RYR2: variants seen among roughly 807,000 people sequenced by gnomAD.
RYR2 encodes the protein ryanodine receptor 2, also known as cardiac muscle ryanodine receptor-calcium release channel.
A neutral mutation model predicts 601.1 loss-of-function variants in RYR2; 227 were observed. The observed-to-expected ratio is 0.38, with a 90% CI of 0.34 to 0.42. RYR2 has a LOEUF of 0.42. Among genes scored for constraint, RYR2 ranks in the 10% least tolerant of loss-of-function variants. The pLI is 1.00. For missense variants in RYR2, 4,646 were observed against 6,156.5 expected (o/e 0.75, Z 8.21); for synonymous variants, 2,223 against 2,175.1 (o/e 1.02, Z -0.61).
intron 1 of RYR2, among the ~76,000 whole-genome samples, chr1:237,116,969 G>A (rs1356268126): frequency 6.6e-6 from 1 of 152,046 alleles, no homozygotes; most frequent in Non-Finnish European, 1.5e-5. Flanking sequence ...GTTTAATCTG[G>A]GCATCCTGTG....
intron 19 of RYR2, among the ~76,000 whole-genome samples, chr1:237,495,641 G>A (rs1663993054): frequency 6.6e-6 from 1 of 152,064 alleles, no homozygotes; most frequent in Non-Finnish European, 1.5e-5. Flanking sequence ...TAGGGTATAT[G>A]TCCACTCCTA....
intron 84 of RYR2, among the ~76,000 whole-genome samples, chr1:237,767,149 A>G: frequency 6.6e-6 from 1 of 152,228 alleles, no homozygotes; most frequent in East Asian, 1.9e-4. Flanking sequence ...GGCTCAGAAC[A>G]GTGAACTGAC....
chr1:237,672,730 A>G (rs1326630539), intron 58 of RYR2, among the ~76,000 whole-genome samples: 3 of 152,188 alleles, frequency 2.0e-5, no homozygotes, highest in Admixed American at 6.5e-5. Context: ...TTTGGTTTCT[A>G]CTAAACTTAG....
chr1:237,299,835 T>A (rs1028752622), intron 2 of RYR2, among the ~76,000 whole-genome samples: 15 of 152,216 alleles, frequency 9.9e-5, no homozygotes, highest in East Asian at 7.7e-4. Flanking sequence ...CCGGAGATGC[T>A]GACAAATTCA....
In RYR2 at chr1:237,566,578, G is replaced by A. The variant is rs781547572; in HGVS notation, c.3226G>A (p.Glu1076Lys). ...TGTCCATTTCCCAGCAGCCAGAGCC[G>A]AAGTGTGCAGCGGCACCGGGGAAAG... Reference protein sequence around the residue: ...APDQDHAARAEVCSGTGERFR... With the variant: ...APDQDHAARAKVCSGTGERFR... The change falls in exon 28 of 105, where the codon GAA becomes AAA. Residue 1076 changes from glutamate (E) to lysine (K), a missense_variant. Transcript: ENST00000366574. 1.8e-5 allele frequency: 29 copies of A among 1,613,506 alleles called. No individual in the cohort carries two copies. The highest frequency in any genetic ancestry group is 1.0e-5 in the Non-Finnish European group (12 of 1,179,682).
intron 1 of RYR2, among the ~76,000 whole-genome samples, chr1:237,084,800 A>G (rs1572576331): frequency 6.6e-6 from 1 of 152,190 alleles, no homozygotes; most frequent in East Asian, 1.9e-4. Context: ...TTGGGTCCCG[A>G]CCTAATGTGG....
At chr1:237,406,222 C>G (rs1170122095) in intron 10 of RYR2, among the ~76,000 whole-genome samples, 14 of 83,182 alleles carry the variant, frequency 1.7e-4, no homozygotes, top group African/African-American at 5.7e-4. Context: ...CCCCTCCCCT[C>G]CCCTCCCCTC....
chr1:237,621,544 C>A (rs1679076161), intron 38 of RYR2, among the ~76,000 whole-genome samples: 1 of 152,084 alleles, frequency 6.6e-6, no homozygotes, highest in Non-Finnish European at 1.5e-5. Flanking sequence ...ACAAATTACC[C>A]ATACCAGGAA....
At chr1:237,345,453 C>CAAAAAAT (rs913069540) in intron 3 of RYR2, among the ~76,000 whole-genome samples, 16 of 139,210 alleles carry the variant, frequency 1.1e-4, no homozygotes, top group South Asian at 6.6e-4. Context: ...GAGACTCTGC[C>CAAAAAAT]AAAAAATAAA....
chr1:237,487,126 C>T (rs1441652689), intron 17 of RYR2, among the ~76,000 whole-genome samples: 1 of 152,028 alleles, frequency 6.6e-6, no homozygotes, highest in Non-Finnish European at 1.5e-5. Flanking sequence ...GAGAATCTAA[C>T]CATAAGCTTC....
At chr1:237,380,732 A>AG (rs568003774) in intron 8 of RYR2, among the ~76,000 whole-genome samples, 43 of 152,010 alleles carry the variant, frequency 2.8e-4, no homozygotes, top group African/African-American at 1.0e-3. Context: ...ACTTTAGGCC[A>AG]GGAGTTTAAG....
intron 1 of RYR2, among the ~76,000 whole-genome samples, chr1:237,242,703 T>C (rs1686334779): frequency 8.5e-5 from 13 of 152,170 alleles, no homozygotes; most frequent in Admixed American, 8.5e-4. Context: ...CAGGTCCCTC[T>C]GAAATTTCCT....
intron 2 of RYR2, among the ~76,000 whole-genome samples, chr1:237,279,602 A>G (rs986426185): frequency 6.6e-6 from 1 of 152,206 alleles, no homozygotes. Context: ...AAGTTTTGCA[A>G]AACTGGGAAA....
intron 10 of RYR2, among the ~76,000 whole-genome samples, chr1:237,390,747 CT>C (rs777329448): frequency 3.9e-5 from 6 of 152,124 alleles, no homozygotes; most frequent in Non-Finnish European, 8.8e-5. Flanking sequence ...CCCACTCTCC[CT>C]TTGCATATAT....
At chr1:237,690,430 A>G (rs1686836730) in intron 63 of RYR2, among the ~76,000 whole-genome samples, 1 of 152,236 alleles carries the variant, frequency 6.6e-6, no homozygotes, top group African/African-American at 2.4e-5. Flanking sequence ...AGTGCTATGT[A>G]AAGTGTAACC....
At chr1:237,431,330 G>A (rs1000193142) in intron 12 of RYR2, among the ~76,000 whole-genome samples, 4 of 152,002 alleles carry the variant, frequency 2.6e-5, no homozygotes, top group African/African-American at 9.7e-5. Flanking sequence ...AGTCATTACA[G>A]AAAAATGTAA....
chr1:237,219,532 C>T (rs1289734252), intron 1 of RYR2, among the ~76,000 whole-genome samples: 3 of 152,114 alleles, frequency 2.0e-5, no homozygotes, highest in African/African-American at 7.2e-5. Context: ...ATGCCTGTTC[C>T]TGAAATAATT....
intron 11 of RYR2, among the ~76,000 whole-genome samples, chr1:237,418,678 T>A (rs6429010): frequency 0.41 from 62,495 of 152,012 alleles, 15,135 homozygotes; most frequent in African/African-American, 0.68. Flanking sequence ...TAAAAATATA[T>A]ATTATTCAGT....
rs568031088 is a variant in RYR2 at position 237,152,379 on chromosome 1, T to C, written c.48+109810T>C. Among the ~76,000 whole-genome samples, 12 of 152,342 alleles carry C rather than the reference T, an allele frequency of 7.9e-5. No individual in the cohort carries two copies. The East Asian group carries it at 2.3e-3, about 29-fold the overall frequency. ...CTTTGGTATATACCCAGTAATGGGA[T>C]GGCTGGGTCAAATGGGATTTCTGGT... On this transcript the variant is annotated intron_variant, in intron 1 of 104. Coordinates refer to ENST00000366574, the MANE Select transcript of RYR2 (RefSeq NM_001035.3).
Sources: gnomAD v4.1 joint callset for allele counts (sites outside exome capture counted in the v4.1 genomes callset) on GRCh38, gnomAD v4.1.1 for gene constraint, MANE v1.5 for transcripts, NCBI Gene and HGNC (gene_info 2026-07-23, HGNC 2026-07-21) for gene names.